GRID2: variants seen among roughly 807,000 people sequenced by gnomAD.
The protein encoded by GRID2 is glutamate ionotropic receptor delta type subunit 2, also known as glutamate receptor ionotropic, delta-2.
GRID2 carries 33 observed loss-of-function variants against 114.8 expected under a neutral mutation model. The ratio of observed to expected loss-of-function variants is 0.29; its 90% CI spans 0.22 to 0.38. The LOEUF (loss-of-function observed/expected upper bound fraction) is 0.38. Ranked by LOEUF, GRID2 falls within the 10% of genes least tolerant of loss-of-function variation. The pLI is 1.00. For synonymous variants in GRID2, 505 were observed against 449.9 expected (o/e 1.12, Z -1.55); for missense variants, 1,184 against 1,257.7 (o/e 0.94, Z 0.89).
At chr4:92,324,123 C>G (rs1336785493) in intron 1 of GRID2, among the ~76,000 whole-genome samples, 7 of 151,910 alleles carry the variant, frequency 4.6e-5, no homozygotes, top group Non-Finnish European at 8.8e-5. Flanking sequence ...GGTAACTAAC[C>G]CAGTGTTTGG....
intron 2 of GRID2, among the ~76,000 whole-genome samples, chr4:92,890,793 A>G (rs1028579463): frequency 2.0e-5 from 3 of 152,210 alleles, no homozygotes; most frequent in African/African-American, 7.2e-5. Context: ...AAGTCATTCT[A>G]CTATAAAGAC....
intron 2 of GRID2, among the ~76,000 whole-genome samples, chr4:92,960,150 T>G (rs1465106204): frequency 1.3e-5 from 2 of 152,084 alleles, no homozygotes; most frequent in African/African-American, 4.8e-5. Context: ...TTCCTATTCT[T>G]TCAAATTTGT....
At chr4:92,980,646 G>A (rs917048884) in intron 2 of GRID2, among the ~76,000 whole-genome samples, 3 of 151,708 alleles carry the variant, frequency 2.0e-5, no homozygotes, top group African/African-American at 7.3e-5. Context: ...CATTTGTTTT[G>A]TTTTTCACAA....
chr4:93,116,033 T>A (rs1733214186), intron 4 of GRID2, among the ~76,000 whole-genome samples: 1 of 152,188 alleles, frequency 6.6e-6, no homozygotes, highest in Non-Finnish European at 1.5e-5. Flanking sequence ...ATCTCTTACC[T>A]ACCTTTTCTT....
At chr4:92,830,028 CGT>C (rs1741991149) in intron 2 of GRID2, among the ~76,000 whole-genome samples, 1 of 151,140 alleles carries the variant, frequency 6.6e-6, no homozygotes, top group South Asian at 2.1e-4. Flanking sequence ...AGCAAACTAC[CGT>C]GACACATATA....
intron 2 of GRID2, among the ~76,000 whole-genome samples, chr4:93,071,158 G>T (rs1011350194): frequency 6.6e-6 from 1 of 152,062 alleles, no homozygotes; most frequent in Non-Finnish European, 1.5e-5. Context: ...TCCATTTAGG[G>T]ATCTTCTTTA....
intron 2 of GRID2, among the ~76,000 whole-genome samples, chr4:92,813,069 A>C (rs574397615): frequency 1.3e-5 from 2 of 152,136 alleles, no homozygotes; most frequent in Non-Finnish European, 2.9e-5. Context: ...TTTCCTTCAG[A>C]CTCTATCTTG....
At chr4:92,690,552 C>G (rs1033598012) in intron 2 of GRID2, among the ~76,000 whole-genome samples, 3 of 152,192 alleles carry the variant, frequency 2.0e-5, no homozygotes, top group African/African-American at 7.2e-5. Context: ...TGATCACACA[C>G]TGTTGGAAAA....
Position 93,192,219 on chromosome 4 carries a change from C to T in GRID2, c.736-15185C>T, listed in dbSNP as rs543494742. The stretch of plus-strand genomic sequence containing the variant: ...GGGCAACCAGCAACTGAAATCATTC[C>T]ATTTAAAATAATTTCACACCTCACC... On this transcript the variant is annotated intron_variant, in intron 4 of 15. Coordinates refer to ENST00000282020, the MANE Select transcript of GRID2 (RefSeq NM_001510.4). Among the ~76,000 whole-genome samples the T allele has an allele frequency of 4.5e-4, 69 of 152,254 alleles. 2 individuals are homozygous for T. The South Asian group carries it at 0.013, about 30-fold the overall frequency.
At chr4:93,316,161 A>C (rs1756561261) in intron 8 of GRID2, among the ~76,000 whole-genome samples, 1 of 151,916 alleles carries the variant, frequency 6.6e-6, no homozygotes, top group Admixed American at 6.6e-5. Context: ...TAATCTCAAA[A>C]AGGGGAGGTG....
intron 2 of GRID2, among the ~76,000 whole-genome samples, chr4:92,745,565 AGAT>A (rs1228867433): frequency 6.6e-6 from 1 of 152,178 alleles, no homozygotes; most frequent in Non-Finnish European, 1.5e-5. Context: ...TTTTAATACT[AGAT>A]GAGAATTTTA....
intron 11 of GRID2, among the ~76,000 whole-genome samples, chr4:93,480,662 ACACC>A: frequency 6.6e-6 from 1 of 152,176 alleles, no homozygotes; most frequent in Admixed American, 6.6e-5. Context: ...TTAGTCATCC[ACACC>A]ACGCCTTTAC....
chr4:92,930,254 T>G (rs1293259019), intron 2 of GRID2, among the ~76,000 whole-genome samples: 1 of 151,254 alleles, frequency 6.6e-6, no homozygotes, highest in African/African-American at 2.4e-5. Context: ...AGCTTAGAGA[T>G]TTTTCTAGCA....
chr4:93,377,018 T>C (rs1763445910), intron 8 of GRID2, among the ~76,000 whole-genome samples: 1 of 152,188 alleles, frequency 6.6e-6, no homozygotes, highest in Admixed American at 6.6e-5. Context: ...GGAAGTATGA[T>C]AATGGTGTCA....
chr4:93,133,690 G>A (rs1450533296), intron 4 of GRID2, among the ~76,000 whole-genome samples: 1 of 152,042 alleles, frequency 6.6e-6, no homozygotes, highest in Admixed American at 6.6e-5. Context: ...ACATTGTACA[G>A]CATTGCACAA....
At chr4:92,817,804 TTA>T (rs1328233177) in intron 2 of GRID2, among the ~76,000 whole-genome samples, 3 of 151,954 alleles carry the variant, frequency 2.0e-5, no homozygotes, top group Non-Finnish European at 4.4e-5. Context: ...AGTGTTGAGA[TTA>T]TAGGTGTGAG....
chr4:93,714,999 A>G (rs112268497), intron 14 of GRID2, among the ~76,000 whole-genome samples: 7,344 of 152,032 alleles, frequency 0.048, 316 homozygotes, highest in African/African-American at 0.11. Context: ...TCATGAAATC[A>G]TTTCCCATGC....
At chr4:93,340,289 A>G (rs1297404194) in intron 8 of GRID2, among the ~76,000 whole-genome samples, 7 of 148,562 alleles carry the variant, frequency 4.7e-5, no homozygotes. Context: ...TGAAGCTCCT[A>G]AATTGGCCCA....
At chr4:92,951,888 G>C (rs183522117) in intron 2 of GRID2, among the ~76,000 whole-genome samples, 30 of 152,152 alleles carry the variant, frequency 2.0e-4, no homozygotes, top group Admixed American at 7.2e-4. Context: ...TTCCTAAAGA[G>C]TTCCATATTC....
Sources: gnomAD v4.1 joint callset for allele counts (sites outside exome capture counted in the v4.1 genomes callset) on GRCh38, gnomAD v4.1.1 for gene constraint, MANE v1.5 for transcripts, NCBI Gene and HGNC (gene_info 2026-07-23, HGNC 2026-07-21) for gene names.